Variants in GARRE1 observed in about 807,000 individuals in gnomAD.
GARRE1 encodes the protein granule associated Rac and RHOG effector 1, also known as granule associated Rac and RHOG effector protein 1.
GARRE1 carries 49 observed loss-of-function variants against 103.2 expected under a neutral mutation model. The ratio of observed to expected loss-of-function variants is 0.47; its 90% CI spans 0.38 to 0.60. The LOEUF is 0.60. Ranked by LOEUF, GARRE1 falls within the 20% of genes least tolerant of loss-of-function variation. GARRE1 has a pLI of 0.00. For synonymous variants in GARRE1, 505 were observed against 532.8 expected, an observed-to-expected ratio of 0.95 and a Z score of 0.72; for missense variants, 1,199 against 1,370.5, an observed-to-expected ratio of 0.87 and a Z score of 1.98.
intron 12 of GARRE1, 31 bp from the exon 13 acceptor site, chr19:34,351,483 A>G (rs762316992): frequency 6.4e-7 from 1 of 1,569,620 alleles, no homozygotes; most frequent in Non-Finnish European, 8.8e-7. Context: ...GAAGCCAAGC[A>G]ATCACTGCCC....
chr19:34,336,760 G>A (rs2074162945), intron 8 of GARRE1, among the ~76,000 whole-genome samples: 1 of 152,202 alleles, frequency 6.6e-6, no homozygotes, highest in African/African-American at 2.4e-5. Flanking sequence ...GTGAGCCACT[G>A]CACCCAACCC....
intron 1 of GARRE1, among the ~76,000 whole-genome samples, chr19:34,288,998 G>A (rs140853158): frequency 8.5e-5 from 13 of 152,206 alleles, no homozygotes; most frequent in African/African-American, 3.1e-4. Context: ...TGGGCATGGT[G>A]GTGTGTGCCT....
At chr19:34,292,306 T>C (rs548546406) in intron 1 of GARRE1, among the ~76,000 whole-genome samples, 1 of 152,378 alleles carries the variant, frequency 6.6e-6, no homozygotes, top group South Asian at 2.1e-4. Flanking sequence ...TATCAGAACC[T>C]CATTCCTTTT....
At chr19:34,261,985 T>C (rs2073721148) in intron 1 of GARRE1, among the ~76,000 whole-genome samples, 1 of 152,076 alleles carries the variant, frequency 6.6e-6, no homozygotes, top group Non-Finnish European at 1.5e-5. Context: ...CTGGTAGGTC[T>C]CCCTGCCTTT....
At chr19:34,331,722 G>T (rs531957301) in intron 7 of GARRE1, among the ~76,000 whole-genome samples, 1 of 152,144 alleles carries the variant, frequency 6.6e-6, no homozygotes, top group African/African-American at 2.4e-5. Context: ...GGCAGGGCGT[G>T]GTGGCTCACA....
chr19:34,288,342 G>T (rs1179902269), intron 1 of GARRE1, among the ~76,000 whole-genome samples: 1 of 152,142 alleles, frequency 6.6e-6, no homozygotes, highest in African/African-American at 2.4e-5. Flanking sequence ...AGGAAACTGT[G>T]ACTCTTCCCC....
chr19:34,277,912 C>T (rs1030970217), intron 1 of GARRE1, among the ~76,000 whole-genome samples: 2 of 83,346 alleles, frequency 2.4e-5, no homozygotes, highest in Non-Finnish European at 4.7e-5. Context: ...CCCCCCCCCC[C>T]CACCCCCAGC....
At chr19:34,324,928 A>G (rs2074105090) in intron 3 of GARRE1, among the ~76,000 whole-genome samples, 1 of 152,192 alleles carries the variant, frequency 6.6e-6, no homozygotes, top group African/African-American at 2.4e-5. Context: ...GAAACTTTAT[A>G]TACATAATGT....
In GARRE1 at chr19:34,342,434, A is replaced by G; in HGVS notation, c.2500A>G (p.Ile834Val). ...SDGVFGMLGE[I>V]LPFDPAVGSD... ...TGGAGTCTTTGGAATGCTGGGAGAGATTCTGCCTTTTGATCCTGCAGGTAT... is the reference window on the plus strand; with the variant it reads ...TGGAGTCTTTGGAATGCTGGGAGAGGTTCTGCCTTTTGATCCTGCAGGTAT... Residue 834 changes from isoleucine (I) to valine (V), a missense_variant, in exon 10 of 14, where the codon ATT becomes GTT. Transcript: ENST00000299505. The G allele has an allele frequency of 6.2e-7, 1 of 1,612,766 alleles. No individual in the cohort carries two copies. The highest frequency in any genetic ancestry group is 8.5e-7 in the Non-Finnish European group (1 of 1,179,066).
chr19:34,302,721 T>G (rs1256139293), intron 2 of GARRE1, among the ~76,000 whole-genome samples: 2 of 151,394 alleles, frequency 1.3e-5, no homozygotes, highest in Non-Finnish European at 2.9e-5. Flanking sequence ...AGTACATTTC[T>G]TGGGGTCTTT....
chr19:34,277,029 T>A (rs2073821031), intron 1 of GARRE1, among the ~76,000 whole-genome samples: 2 of 152,060 alleles, frequency 1.3e-5, no homozygotes, highest in African/African-American at 4.8e-5. Context: ...GTAACACTTG[T>A]TTTGAGAGCT....
intron 9 of GARRE1, among the ~76,000 whole-genome samples, chr19:34,340,591 C>T (rs1303015681): frequency 6.6e-6 from 1 of 152,060 alleles, no homozygotes; most frequent in Admixed American, 6.6e-5. Context: ...GCTCTCCATC[C>T]ATGCTATCCA....
Position 34,300,428 on chromosome 19 carries a change from A to C in GARRE1, c.-46A>C. The C allele has an allele frequency of 6.6e-7, 1 of 1,508,482 alleles. No homozygotes were observed. Among genetic ancestry groups the C allele is most frequent in the Non-Finnish European group, 8.9e-7 (1 of 1,127,640 alleles). The allele number at this position is 1,508,482 out of a possible 1,614,324, so 93.4% of individuals were successfully genotyped here. A position where few individuals can be genotyped will look rare whatever the true frequency, so the allele number is the denominator to read the frequency against. The stretch of plus-strand genomic sequence containing the variant: ...GCTACAGTTTTGAGAAAGAAGAATC[A>C]GAACCCTGACCCACTTACGGTTGCT... On this transcript the variant is annotated 5_prime_UTR_variant, in exon 2 of 14. Coordinates refer to ENST00000299505, the MANE Select transcript of GARRE1 (RefSeq NM_014686.5).
chr19:34,301,976 C>T (rs1289476033), intron 2 of GARRE1, among the ~76,000 whole-genome samples: 2 of 143,034 alleles, frequency 1.4e-5, no homozygotes, highest in Admixed American at 7.3e-5. Context: ...AGCCACTGCG[C>T]CCAGCCTTTT....
chr19:34,255,181 AG>A (rs113246757), intron 1 of GARRE1, among the ~76,000 whole-genome samples: 117,779 of 152,008 alleles, frequency 0.77, 46,211 homozygotes, highest in African/African-American at 0.82. Flanking sequence ...ATTGGGCCCG[AG>A]GGGAGGGTCC....
At chr19:34,294,232 C>A (rs1488049745) in intron 1 of GARRE1, among the ~76,000 whole-genome samples, 6 of 145,166 alleles carry the variant, frequency 4.1e-5, no homozygotes, top group Non-Finnish European at 7.5e-5. Flanking sequence ...CCAGCGTGGA[C>A]AACATAGTGA....
intron 1 of GARRE1, among the ~76,000 whole-genome samples, chr19:34,285,723 C>G (rs542502614): frequency 6.6e-6 from 1 of 151,868 alleles, no homozygotes; most frequent in South Asian, 2.1e-4. Context: ...GTCTCGATCT[C>G]TTGACCTCGT....
At chr19:34,262,831 T>C (rs2145951732) in intron 1 of GARRE1, among the ~76,000 whole-genome samples, 1 of 152,264 alleles carries the variant, frequency 6.6e-6, no homozygotes, top group Admixed American at 6.5e-5. Flanking sequence ...AGAAGCAAGG[T>C]ACAGAACAAT....
intron 2 of GARRE1, among the ~76,000 whole-genome samples, chr19:34,301,945 A>C (rs2073981409): frequency 7.1e-6 from 1 of 141,766 alleles, no homozygotes; most frequent in Non-Finnish European, 1.5e-5. Context: ...GGTCTCCCAA[A>C]GTGTTGGGAT....
Sources: allele counts gnomAD v4.1 joint callset (sites outside exome capture counted in the v4.1 genomes callset), GRCh38; gene constraint gnomAD v4.1.1; transcripts MANE v1.5; gene names NCBI Gene and HGNC (gene_info 2026-07-23, HGNC 2026-07-21).